The following PKIB variants were observed in gnomAD, a reference collection of about 807,000 sequenced individuals.
The protein encoded by PKIB is cAMP-dependent protein kinase inhibitor beta.
In PKIB, 2 loss-of-function variants were observed where a neutral mutation model predicts 4.5. The ratio of observed to expected loss-of-function variants is 0.44; its 90% CI spans 0.18 to 1.39. The LOEUF is 1.39. Among genes scored for constraint, PKIB ranks in the 40% most tolerant of loss-of-function variants. The pLI is 0.27. For missense variants in PKIB, 94 were observed against 92.6 expected (o/e 1.02, Z -0.06); for synonymous variants, 38 against 36.0 (o/e 1.06, Z -0.20).
chr6:122,505,053 C>G (rs1273966164), intron 2 of PKIB, among the ~76,000 whole-genome samples: 2 of 152,168 alleles, frequency 1.3e-5, no homozygotes, highest in Non-Finnish European at 2.9e-5. Flanking sequence ...TAGGGCAAAA[C>G]AGTGACAGGG....
chr6:122,694,123 G>C (rs955174545), intron 3 of PKIB, among the ~76,000 whole-genome samples: 6 of 152,088 alleles, frequency 3.9e-5, no homozygotes, highest in African/African-American at 1.4e-4. Context: ...TTAATCAATG[G>C]ATTTATGTGG....
intron 2 of PKIB, among the ~76,000 whole-genome samples, chr6:122,512,223 A>G (rs570371369): frequency 5.1e-4 from 77 of 152,344 alleles, no homozygotes; most frequent in Admixed American, 4.9e-3. Flanking sequence ...AAATGTCAAT[A>G]CTTAAAATAA....
In PKIB at chr6:122,717,828, G is replaced by T. The variant is rs936320257; in HGVS notation, c.34G>T (p.Glu12Ter). 2 of 1,613,724 alleles carry T rather than the reference G, an allele frequency of 1.2e-6. No individual in the cohort carries two copies. Among genetic ancestry groups the T allele is most frequent in the African/African-American group, 2.7e-5 (2 of 74,820 alleles). The stretch of plus-strand genomic sequence containing the variant: ...AGATTCATCAAAAATGACTGACGTG[G>T]AGTCTGGGGTCGCCAATTTTGCATC... ...RTDSSKMTDV[E>*]SGVANFASSA... The change falls in exon 4 of 5, where the codon GAG becomes TAG. Residue 12 changes from glutamate to a stop codon, truncating the protein, a stop_gained. Transcript: ENST00000368452. LOFTEE classifies it high-confidence loss of function.
At chr6:122,712,385 G>A (rs942594134) in intron 3 of PKIB, among the ~76,000 whole-genome samples, 1 of 152,168 alleles carries the variant, frequency 6.6e-6, no homozygotes, top group Non-Finnish European at 1.5e-5. Context: ...TTTTTTGGAA[G>A]AGGTTCGTGT....
chr6:122,565,272 T>G (rs1773152627), intron 2 of PKIB, among the ~76,000 whole-genome samples: 1 of 152,176 alleles, frequency 6.6e-6, no homozygotes, highest in Admixed American at 6.5e-5. Context: ...CTTGGGAAGG[T>G]CCTGGAGATC....
At position 122,721,723 on chromosome 6, in the gene PKIB, A is replaced by G. The variant is rs1779752665; in HGVS notation, c.170-3405A>G. On this transcript the variant is annotated intron_variant, in intron 4 of 4. Coordinates refer to ENST00000368452, the MANE Select transcript of PKIB (RefSeq NM_181795.3). ...ATTAATGAAAAGCCTAATTTAGTAA[A>G]CAGTTAAAGTGGTATGTTACCTAAA... Among the ~76,000 whole-genome samples the G allele has an allele frequency of 3.3e-5, 5 of 152,092 alleles. No individual in the cohort carries two copies. In the South Asian group the frequency reaches 1.0e-3, roughly 32 times the overall value.
intron 2 of PKIB, among the ~76,000 whole-genome samples, chr6:122,650,626 T>C (rs1199955878): frequency 6.6e-6 from 1 of 152,172 alleles, no homozygotes; most frequent in Non-Finnish European, 1.5e-5. Context: ...ATTATCCTTA[T>C]TGCATTTAGG....
intron 3 of PKIB, among the ~76,000 whole-genome samples, chr6:122,688,457 T>C (rs948537203): frequency 2.6e-5 from 4 of 152,108 alleles, no homozygotes; most frequent in Non-Finnish European, 4.4e-5. Flanking sequence ...CAGGGTAATA[T>C]TGGCATTATG....
At chr6:122,707,896 T>C (rs1037202547) in intron 3 of PKIB, among the ~76,000 whole-genome samples, 1 of 152,156 alleles carries the variant, frequency 6.6e-6, no homozygotes, top group African/African-American at 2.4e-5. Flanking sequence ...TTTTCCTTCT[T>C]TATGTCTTTT....
chr6:122,534,091 A>C (rs1178057318), intron 2 of PKIB, among the ~76,000 whole-genome samples: 1 of 150,532 alleles, frequency 6.6e-6, no homozygotes, highest in Non-Finnish European at 1.5e-5. Context: ...AATGACAGCA[A>C]TAATAATATT....
intron 1 of PKIB, among the ~76,000 whole-genome samples, chr6:122,613,477 T>A (rs1348648823): frequency 2.0e-5 from 3 of 152,070 alleles, no homozygotes; most frequent in Non-Finnish European, 4.4e-5. Context: ...AGGGCTCTGG[T>A]TTTCCTGTTT....
rs575269617 is a variant in PKIB, at chr6:122,567,162, T to G, written c.-247-18759T>G. Among the ~76,000 whole-genome samples, 6 of 152,362 alleles carry G rather than the reference T, an allele frequency of 3.9e-5. 2 individuals carry two copies. The South Asian group carries it at 1.2e-3, about 32-fold the overall frequency. Reference sequence around the variant, plus strand: ...GTCTACTCAGGTGACTTCCAATTGCTGATGCCTGTTATCTCTATGCTTGGA... The same window carrying G: ...GTCTACTCAGGTGACTTCCAATTGCGGATGCCTGTTATCTCTATGCTTGGA... On this transcript the variant is annotated intron_variant, in intron 2 of 6. Transcript: ENST00000392491.
chr6:122,689,167 T>G (rs1182759840), intron 3 of PKIB, among the ~76,000 whole-genome samples: 2 of 152,150 alleles, frequency 1.3e-5, no homozygotes, highest in African/African-American at 4.8e-5. Flanking sequence ...CTTTTTTTCT[T>G]AGTCTGGCTA....
intron 2 of PKIB, among the ~76,000 whole-genome samples, chr6:122,636,466 T>G (rs1236980902): frequency 6.6e-6 from 1 of 151,938 alleles, no homozygotes; most frequent in African/African-American, 2.4e-5. Context: ...TATATAGCTA[T>G]GAATAAACTA....
At chr6:122,528,041 A>G (rs1229041164) in intron 2 of PKIB, among the ~76,000 whole-genome samples, 1 of 152,036 alleles carries the variant, frequency 6.6e-6, no homozygotes, top group Non-Finnish European at 1.5e-5. Flanking sequence ...GTATATTTTT[A>G]TTTGGAAACT....
intron 3 of PKIB, among the ~76,000 whole-genome samples, chr6:122,696,590 C>A (rs1454573232): frequency 6.6e-6 from 1 of 152,214 alleles, no homozygotes; most frequent in Non-Finnish European, 1.5e-5. Context: ...CTGACTGCCA[C>A]CTCACAGAGT....
intron 2 of PKIB, among the ~76,000 whole-genome samples, chr6:122,581,054 TC>T (rs1463573170): frequency 2.0e-5 from 3 of 152,026 alleles, no homozygotes; most frequent in Non-Finnish European, 4.4e-5. Flanking sequence ...ATACCTCGAG[TC>T]CCACCAGAGC....
At chr6:122,699,415 A>C (rs1329885973) in intron 3 of PKIB, among the ~76,000 whole-genome samples, 2 of 152,104 alleles carry the variant, frequency 1.3e-5, no homozygotes, top group Non-Finnish European at 2.9e-5. Flanking sequence ...TGCTGATTGG[A>C]TGGAGTCAGA....
intron 2 of PKIB, among the ~76,000 whole-genome samples, chr6:122,578,944 AAAG>A (rs1185772972): frequency 6.6e-6 from 1 of 152,178 alleles, no homozygotes; most frequent in Non-Finnish European, 1.5e-5. Context: ...GCCACCATGT[AAAG>A]AAGAACATGT....
Sources: gnomAD v4.1 joint callset for allele counts (sites outside exome capture counted in the v4.1 genomes callset) on GRCh38, gnomAD v4.1.1 for gene constraint, MANE v1.5 for transcripts, NCBI Gene and HGNC (gene_info 2026-07-23, HGNC 2026-07-21) for gene names.